Variants in JAK2 observed in about 807,000 individuals in gnomAD.
The protein encoded by JAK2 is tyrosine-protein kinase JAK2.
A neutral mutation model predicts 139.3 loss-of-function variants in JAK2; 86 were observed. The observed-to-expected ratio is 0.62, with a 90% CI of 0.52 to 0.74. The LOEUF is 0.74. Ranked by LOEUF, JAK2 falls within the 30% of genes least tolerant of loss-of-function variation. The pLI is 0.00. For missense variants in JAK2, 1,421 were observed against 1,360.3 expected (o/e 1.04, Z -0.70); for synonymous variants, 490 against 437.7 (o/e 1.12, Z -1.49).
chr9:5,112,980 G>T, intron 22 of JAK2: 2 of 189,696 alleles, frequency 1.1e-5, no homozygotes, highest in South Asian at 3.2e-4. Context: ...AGCCAACACC[G>T]ACCTGATGAG....
At chr9:5,099,680 T>G (rs1007856920) in intron 22 of JAK2, 7 of 152,194 alleles carry the variant, frequency 4.6e-5, no homozygotes, top group African/African-American at 2.4e-5. Context: ...AGTAACCGAT[T>G]ATTTTCTATT....
Position 5,127,745 on chromosome 9 carries a change from A to ATTGT in JAK2, c.*957_*960dup. 4.3e-6 allele frequency: 1 copy of ATTGT among 232,640 alleles called. No homozygotes were observed. Among genetic ancestry groups the ATTGT allele is most frequent in the Non-Finnish European group, 8.5e-6 (1 of 117,278 alleles). The allele number at this position is 232,640 out of a possible 1,614,324, so 14.4% of individuals were successfully genotyped here. ...AAGCTTAAGCCATAAAATAGATTAG[A>ATTGT]TTGTTTTTTAAAAATGGATAGCTCA... On this transcript the variant is annotated 3_prime_UTR_variant, in exon 25 of 25. Transcript: ENST00000381652.
Position 5,034,908 on chromosome 9 carries a change from G to A in JAK2, c.350+5002G>A, listed in dbSNP as rs879619385. Among the ~76,000 whole-genome samples the A allele has an allele frequency of 4.8e-3, 733 of 152,254 alleles. 8 individuals carry two copies. The highest frequency in any genetic ancestry group is 0.017 in the African/African-American group (698 of 41,544). Reference sequence around the variant, plus strand: ...GATCAGAGCAGAACTGAAGGACATAGAGAGACAAAAAACCCTTCAAAAAAA... The same window carrying A: ...GATCAGAGCAGAACTGAAGGACATAAAGAGACAAAAAACCCTTCAAAAAAA... On this transcript the variant is annotated intron_variant, in intron 4 of 24. Transcript: ENST00000381652.
intron 2 of JAK2, among the ~76,000 whole-genome samples, chr9:4,991,315 A>G (rs1198579341): frequency 6.6e-6 from 1 of 152,204 alleles, no homozygotes; most frequent in Non-Finnish European, 1.5e-5. Flanking sequence ...TCCCAAGAAC[A>G]TTCTTCTGTT....
chr9:5,030,413 C>T (rs995256671), intron 4 of JAK2, among the ~76,000 whole-genome samples: 12 of 151,632 alleles, frequency 7.9e-5, no homozygotes, highest in African/African-American at 1.5e-4. Flanking sequence ...TTTTTTTGCT[C>T]GAAAGGATGA....
intron 19 of JAK2, among the ~76,000 whole-genome samples, chr9:5,087,653 T>A (rs1820235878): frequency 6.6e-6 from 1 of 152,224 alleles, no homozygotes; most frequent in Non-Finnish European, 1.5e-5. Context: ...AGAAAAAGTA[T>A]AATGATCATT....
At chr9:5,082,444 C>G (rs546864378) in intron 19 of JAK2, among the ~76,000 whole-genome samples, 7 of 152,354 alleles carry the variant, frequency 4.6e-5, no homozygotes, top group Admixed American at 2.6e-4. Context: ...TGTCTCGCCT[C>G]CCGCCACAGG....
intron 4 of JAK2, among the ~76,000 whole-genome samples, chr9:5,035,910 T>G (rs200021271): frequency 1.3e-5 from 2 of 152,110 alleles, no homozygotes; most frequent in East Asian, 1.9e-4. Flanking sequence ...GAAATAAAGG[T>G]TATTTGATTA....
chr9:5,060,675 C>T lies in JAK2; in HGVS notation c.1057-4208C>T, dbSNP rs184518588. On this transcript the variant is annotated intron_variant, in intron 8 of 24. Coordinates refer to ENST00000381652, the MANE Select transcript of JAK2 (RefSeq NM_004972.4). The stretch of plus-strand genomic sequence containing the variant: ...GACTTCCTCCATTGAAGTCGTGAAC[C>T]CCTCAAAGTCATCCATGAGGGTTGG... Among the ~76,000 whole-genome samples, 23 of 152,290 alleles carry T rather than the reference C, an allele frequency of 1.5e-4. No individual in the cohort carries two copies. In the East Asian group the frequency reaches 3.7e-3, roughly 24 times the overall value.
intron 23 of JAK2, 96 bp downstream of exon 23, chr9:5,123,217 T>C (rs755327731): frequency 6.9e-6 from 5 of 727,806 alleles, no homozygotes; most frequent in South Asian, 3.8e-5. Context: ...CATGCATACA[T>C]TGCATAGTGG....
intron 22 of JAK2, chr9:5,094,872 C>T (rs1311453925): frequency 2.0e-5 from 3 of 152,158 alleles, no homozygotes; most frequent in Non-Finnish European, 2.9e-5. Context: ...CTTTTAACCA[C>T]CGTTTTTATG....
chr9:5,124,328 A>T (rs1038293839), intron 23 of JAK2, among the ~76,000 whole-genome samples: 2 of 150,842 alleles, frequency 1.3e-5, no homozygotes, highest in Non-Finnish European at 3.0e-5. Context: ...TTTTTCTAGT[A>T]TTTTTCTAGT....
chr9:5,104,322 G>A lies in JAK2; in HGVS notation c.3059+13411G>A, dbSNP rs1328581215. 2.0e-5 allele frequency among the ~76,000 whole-genome samples: 3 copies of A among 152,214 alleles called. No individual in the cohort carries two copies. The East Asian group carries it at 5.8e-4, about 29-fold the overall frequency. ...TAAACTAGAAAATCTAGAAGAAATGGATAAATTCCTGGACACATACACCCT... is the reference window on the plus strand; with the variant it reads ...TAAACTAGAAAATCTAGAAGAAATGAATAAATTCCTGGACACATACACCCT... On this transcript the variant is annotated intron_variant, in intron 22 of 24. Coordinates refer to ENST00000381652, the MANE Select transcript of JAK2 (RefSeq NM_004972.4).
chr9:5,055,755 T>G lies in JAK2; in HGVS notation c.1023T>G (p.Val341=). ...ANQEGSNESR[V]VTIHKQDGKN... ...AAGAGGGTTCAAATGAAAGCCGAGT[T>G]GTAACTATCCATAAGCAAGATGGTA... Residue 341 remains valine (V), a synonymous_variant, in exon 8 of 25, where the codon GTT becomes GTG. Coordinates refer to ENST00000381652, the MANE Select transcript of JAK2 (RefSeq NM_004972.4). The G allele has an allele frequency of 6.2e-7, 1 of 1,611,098 alleles. No homozygotes were observed. The highest frequency in any genetic ancestry group is 8.5e-7 in the Non-Finnish European group (1 of 1,177,910).
chr9:5,060,140 A>G (rs1818060827), intron 8 of JAK2, among the ~76,000 whole-genome samples: 1 of 152,218 alleles, frequency 6.6e-6, no homozygotes, highest in Non-Finnish European at 1.5e-5. Context: ...AATTAATTTA[A>G]AACACTTTAT....
intron 2 of JAK2, among the ~76,000 whole-genome samples, chr9:5,004,237 CCTAT>C (rs1452605667): frequency 6.6e-6 from 1 of 152,124 alleles, no homozygotes; most frequent in East Asian, 1.9e-4. Flanking sequence ...GTTTACTCCT[CCTAT>C]CTAACAGAAA....
chr9:5,114,244 CAATCACCTGTCTGGTG>C (rs1822926877), intron 22 of JAK2: 1 of 533,432 alleles, frequency 1.9e-6, no homozygotes, highest in African/African-American at 1.9e-5. Flanking sequence ...AAGTTGCCCA[CAATCACCTGTCTGGTG>C]GTGGACCTGG....
At chr9:4,993,783 C>A (rs527431874) in intron 2 of JAK2, among the ~76,000 whole-genome samples, 1 of 152,152 alleles carries the variant, frequency 6.6e-6, no homozygotes, top group Non-Finnish European at 1.5e-5. Context: ...TTCTTCATAA[C>A]GTTGATAAGA....
intron 3 of JAK2, among the ~76,000 whole-genome samples, chr9:5,023,365 C>T (rs572590247): frequency 6.6e-6 from 1 of 152,188 alleles, no homozygotes; most frequent in Admixed American, 6.5e-5. Context: ...CCACTGGGCC[C>T]CAGGGGAGTA....
Sources: gnomAD v4.1 joint callset for allele counts (sites outside exome capture counted in the v4.1 genomes callset) on GRCh38, gnomAD v4.1.1 for gene constraint, MANE v1.5 for transcripts, NCBI Gene and HGNC (gene_info 2026-07-23, HGNC 2026-07-21) for gene names.